NKAIN3: variants seen among roughly 807,000 people sequenced by gnomAD.
NKAIN3 encodes the protein sodium/potassium-transporting ATPase subunit beta-1-interacting protein 3.
A neutral mutation model predicts 30.2 loss-of-function variants in NKAIN3; 25 were observed. The ratio of observed to expected loss-of-function variants is 0.83; its 90% CI spans 0.60 to 1.16. The LOEUF (loss-of-function observed/expected upper bound fraction) is 1.16. NKAIN3 is among the 50% of genes most tolerant of loss of function. The pLI, the probability that NKAIN3 is intolerant of heterozygous loss-of-function variation, is 0.00. For synonymous variants in NKAIN3, 91 were observed against 89.6 expected (o/e 1.02, Z -0.09); for missense variants, 225 against 254.1 (o/e 0.89, Z 0.78).
intron 4 of NKAIN3, among the ~76,000 whole-genome samples, chr8:62,819,577 C>A (rs1440673489): frequency 6.6e-6 from 1 of 151,980 alleles, no homozygotes; most frequent in Non-Finnish European, 1.5e-5. Context: ...TCTTCTCAGT[C>A]ATAGTCTCTT....
At position 62,758,154 on chromosome 8, in the gene NKAIN3, A is replaced by G. The variant is rs1427966591; in HGVS notation, c.471+11025A>G. On this transcript the variant is annotated intron_variant, in intron 4 of 6. Transcript: ENST00000623646. Reference sequence around the variant, plus strand: ...TTCACTATGTGAATTAACACATTAAAATTCCTGAGAAACTTTGCTGTTAAA... The same window carrying G: ...TTCACTATGTGAATTAACACATTAAGATTCCTGAGAAACTTTGCTGTTAAA... Among the ~76,000 whole-genome samples the G allele has an allele frequency of 2.0e-5, 3 of 152,102 alleles. No homozygotes were observed. The East Asian group carries it at 5.8e-4, about 29-fold the overall frequency.
At chr8:62,618,693 G>A (rs1338003363) in intron 3 of NKAIN3, among the ~76,000 whole-genome samples, 1 of 152,114 alleles carries the variant, frequency 6.6e-6, no homozygotes, top group African/African-American at 2.4e-5. Flanking sequence ...ATCACCTGAG[G>A]TCAGGAGTTC....
intron 1 of NKAIN3, among the ~76,000 whole-genome samples, chr8:62,345,448 CACATATGTAT>C (rs1815929885): frequency 8.9e-6 from 1 of 111,990 alleles, no homozygotes; most frequent in East Asian, 2.6e-4. Flanking sequence ...TATATATACA[CACATATGTAT>C]ATATACACAT....
chr8:62,529,024 C>T (rs868053428), intron 1 of NKAIN3, among the ~76,000 whole-genome samples: 1 of 152,052 alleles, frequency 6.6e-6, no homozygotes, highest in South Asian at 2.1e-4. Context: ...AAACCAAGGC[C>T]CCTTTTCATT....
chr8:62,331,263 A>T (rs1311123846), intron 1 of NKAIN3, among the ~76,000 whole-genome samples: 4 of 151,082 alleles, frequency 2.6e-5, no homozygotes, highest in African/African-American at 9.8e-5. Flanking sequence ...TCCTGTCCCC[A>T]GCTAACTCCT....
At chr8:62,832,006 C>G (rs1201479001) in intron 4 of NKAIN3, among the ~76,000 whole-genome samples, 1 of 151,924 alleles carries the variant, frequency 6.6e-6, no homozygotes, top group East Asian at 1.9e-4. Flanking sequence ...GCCCATCAGG[C>G]TAAAAGCAGA....
At chr8:62,352,166 A>T (rs1011287060) in intron 1 of NKAIN3, among the ~76,000 whole-genome samples, 3 of 152,096 alleles carry the variant, frequency 2.0e-5, no homozygotes, top group African/African-American at 2.4e-5. Context: ...GCAGGAAGGG[A>T]TGTTTAGGGA....
At chr8:62,486,863 G>A (rs1806919785) in intron 1 of NKAIN3, among the ~76,000 whole-genome samples, 3 of 152,160 alleles carry the variant, frequency 2.0e-5, no homozygotes, top group Non-Finnish European at 4.4e-5. Flanking sequence ...CTGAGGGGGT[G>A]GCATTTAAAA....
chr8:62,829,464 G>A (rs562171169), intron 4 of NKAIN3, among the ~76,000 whole-genome samples: 25 of 152,114 alleles, frequency 1.6e-4, no homozygotes, highest in Admixed American at 4.6e-4. Context: ...AAAAAATACC[G>A]TAAGCAAACC....
intron 3 of NKAIN3, among the ~76,000 whole-genome samples, chr8:62,675,117 G>A (rs1442906579): frequency 2.0e-5 from 3 of 152,212 alleles, no homozygotes; most frequent in East Asian, 1.9e-4. Flanking sequence ...GACCCTCTGC[G>A]AAATGAGGTT....
chr8:62,971,161 C>A lies in NKAIN3; in HGVS notation c.*5754C>A, dbSNP rs1823826333. On this transcript the variant is annotated 3_prime_UTR_variant, in exon 7 of 7. Coordinates refer to ENST00000623646, the MANE Select transcript of NKAIN3 (RefSeq NM_001304533.3). ...AAGCTTCAGCCATTGGTTTTGTATT[C>A]TGGCCTTGGAGGTGGAGAAGGAACA... 2.0e-5 allele frequency among the ~76,000 whole-genome samples: 3 copies of A among 152,074 alleles called. No individual in the cohort carries two copies. Among genetic ancestry groups the A allele is most frequent in the African/African-American group, 7.2e-5 (3 of 41,406 alleles).
chr8:62,745,174 T>C (rs541308661), intron 3 of NKAIN3, among the ~76,000 whole-genome samples: 2 of 152,246 alleles, frequency 1.3e-5, no homozygotes, highest in South Asian at 4.1e-4. Flanking sequence ...CTCTAAGTTT[T>C]CAGAGTTCCA....
At chr8:62,258,614 G>A (rs140357906) in intron 1 of NKAIN3, among the ~76,000 whole-genome samples, 105 of 152,180 alleles carry the variant, frequency 6.9e-4, no homozygotes, top group African/African-American at 2.4e-3. Context: ...GAGCCTTAAT[G>A]GTGCCACTGC....
intron 4 of NKAIN3, among the ~76,000 whole-genome samples, chr8:62,900,924 C>G (rs1005192871): frequency 1.3e-5 from 2 of 152,116 alleles, no homozygotes; most frequent in Non-Finnish European, 2.9e-5. Flanking sequence ...CATCCTGAGA[C>G]CTGGGTATAT....
At chr8:62,582,403 T>C (rs1158173952) in intron 2 of NKAIN3, among the ~76,000 whole-genome samples, 1 of 152,060 alleles carries the variant, frequency 6.6e-6, no homozygotes, top group East Asian at 1.9e-4. Context: ...TCCACATAAA[T>C]GTTAAATTGC....
chr8:62,254,737 A>G (rs948323130), intron 1 of NKAIN3, among the ~76,000 whole-genome samples: 1 of 152,224 alleles, frequency 6.6e-6, no homozygotes, highest in Non-Finnish European at 1.5e-5. Flanking sequence ...AAGCAAAGTC[A>G]ACATAAGCAG....
chr8:62,594,892 G>A lies in NKAIN3; in HGVS notation c.273+5098G>A, dbSNP rs184293112. ...TGTCAACAGGGTAAGGGTTCTTTTT[G>A]GTTAGAGTTCTTTTCTCATAATAAA... On this transcript the variant is annotated intron_variant, in intron 3 of 6. Coordinates refer to ENST00000623646, the MANE Select transcript of NKAIN3 (RefSeq NM_001304533.3). 1.1e-3 allele frequency among the ~76,000 whole-genome samples: 168 copies of A among 148,248 alleles called. 1 individual carries two copies. In the Middle Eastern group the frequency reaches 0.021, roughly 18 times the overall value.
chr8:62,711,541 C>T (rs1220722361), intron 3 of NKAIN3, among the ~76,000 whole-genome samples: 2 of 152,062 alleles, frequency 1.3e-5, no homozygotes, highest in African/African-American at 4.8e-5. Context: ...TAAGACTTTC[C>T]AGAGCATTTT....
intron 1 of NKAIN3, among the ~76,000 whole-genome samples, chr8:62,337,166 C>G (rs1815580596): frequency 1.3e-5 from 2 of 152,156 alleles, no homozygotes; most frequent in South Asian, 4.1e-4. Flanking sequence ...AAGCTGCCAG[C>G]CTCATGAGGT....
Sources: allele counts gnomAD v4.1 joint callset (sites outside exome capture counted in the v4.1 genomes callset), GRCh38; gene constraint gnomAD v4.1.1; transcripts MANE v1.5; gene names NCBI Gene and HGNC (gene_info 2026-07-23, HGNC 2026-07-21).